TTC28: variants seen among roughly 807,000 people sequenced by gnomAD.
TTC28 encodes tetratricopeptide repeat protein 28.
Under a neutral mutation model 198.0 loss-of-function variants are expected in TTC28, and 61 were observed. The observed-to-expected ratio is 0.31, with a 90% CI of 0.25 to 0.38. TTC28 has a LOEUF of 0.38. Among genes scored for constraint, TTC28 ranks in the 10% least tolerant of loss-of-function variants. TTC28 has a pLI of 1.00. For missense variants in TTC28, 2,678 were observed against 3,164.0 expected, an observed-to-expected ratio of 0.85 and a Z score of 3.69; for synonymous variants, 1,171 against 1,297.8, an observed-to-expected ratio of 0.90 and a Z score of 2.10.
intron 2 of TTC28, among the ~76,000 whole-genome samples, chr22:28,598,409 T>C (rs936275886): frequency 1.6e-4 from 24 of 145,898 alleles, no homozygotes; most frequent in Non-Finnish European, 3.0e-4. Context: ...CTTGGGAGGC[T>C]GAGGCAGGAG....
At chr22:28,051,725 G>A (rs562413651) in intron 12 of TTC28, among the ~76,000 whole-genome samples, 34 of 152,252 alleles carry the variant, frequency 2.2e-4, no homozygotes, top group African/African-American at 7.2e-4. Context: ...AGTGGGAAAC[G>A]TCCCCTGCAT....
intron 5 of TTC28, among the ~76,000 whole-genome samples, chr22:28,284,788 AATAAG>A (rs958036764): frequency 2.6e-5 from 4 of 152,202 alleles, no homozygotes; most frequent in African/African-American, 9.6e-5. Flanking sequence ...ACAAAATCAC[AATAAG>A]ATATCACCTC....
chr22:28,588,472 C>T (rs985611964), intron 2 of TTC28, among the ~76,000 whole-genome samples: 1 of 152,110 alleles, frequency 6.6e-6, no homozygotes, highest in Non-Finnish European at 1.5e-5. Context: ...AATCAACTAT[C>T]CTCAAATTTA....
intron 2 of TTC28, among the ~76,000 whole-genome samples, chr22:28,411,426 T>C (rs549820653): frequency 6.6e-6 from 1 of 152,294 alleles, no homozygotes; most frequent in East Asian, 1.9e-4. Context: ...TAATATGTAG[T>C]CTTGGAAAAG....
intron 5 of TTC28, among the ~76,000 whole-genome samples, chr22:28,285,206 T>C (rs982399565): frequency 2.1e-4 from 32 of 152,226 alleles, no homozygotes; most frequent in Admixed American, 2.1e-3. Context: ...TGAAATATTA[T>C]TCAGCCATAA....
chr22:28,608,752 C>T (rs2050773548), intron 2 of TTC28, among the ~76,000 whole-genome samples: 1 of 152,084 alleles, frequency 6.6e-6, no homozygotes, highest in African/African-American at 2.4e-5. Flanking sequence ...AACTGTTTGG[C>T]AAAGGCTGAG....
chr22:28,264,336 G>A (rs1569228584), intron 5 of TTC28, among the ~76,000 whole-genome samples: 1 of 152,138 alleles, frequency 6.6e-6, no homozygotes, highest in Non-Finnish European at 1.5e-5. Context: ...CCCCAGCCAT[G>A]TGGAACTGTG....
In TTC28 at chr22:28,312,877, G is replaced by A. The variant is rs182917916; in HGVS notation, c.382-6234C>T. Among the ~76,000 whole-genome samples, 416 of 152,142 alleles carry A rather than the reference G, an allele frequency of 2.7e-3. 1 individual carries two copies. The highest frequency in any genetic ancestry group is 4.5e-3 in the Admixed American group (69 of 15,272). On this transcript the variant is annotated intron_variant, in intron 2 of 22. Transcript: ENST00000397906. ...AACTAAGATCAGAGCAGAACTGAAG[G>A]AGATAGAGACACAAAAAAACCTTCA... is the stretch of plus-strand genomic sequence containing the variant.
At chr22:28,110,304 T>C (rs958121896) in intron 6 of TTC28, among the ~76,000 whole-genome samples, 10 of 152,148 alleles carry the variant, frequency 6.6e-5, no homozygotes, top group Non-Finnish European at 1.0e-4. Context: ...GGGTAAATCA[T>C]TTAGGTTTTT....
chr22:28,085,966 C>T (rs937164714), intron 12 of TTC28, among the ~76,000 whole-genome samples: 2 of 152,146 alleles, frequency 1.3e-5, no homozygotes, highest in Non-Finnish European at 2.9e-5. Flanking sequence ...AGCTAACTAT[C>T]CTAAAATATA....
Position 27,981,300 on chromosome 22 carries a change from C to T in TTC28, c.*921G>A, listed in dbSNP as rs1937013520. ...AGGAAACGGAGTCATTTCAACCTTT[C>T]CTTCCAAACTTGATAATTACTTATT... is the stretch of plus-strand genomic sequence containing the variant. On this transcript the variant is annotated 3_prime_UTR_variant, in exon 23 of 23. Transcript: ENST00000397906. 1 of 113,208 alleles carries T rather than the reference C, an allele frequency of 8.8e-6. No homozygotes were observed. Among genetic ancestry groups the T allele is most frequent in the Non-Finnish European group, 1.7e-5 (1 of 60,312 alleles). 7.0% of individuals were successfully genotyped at this position (113,208 alleles called of 1,614,324 possible).
chr22:28,547,671 C>G (rs2049574051), intron 2 of TTC28, among the ~76,000 whole-genome samples: 2 of 151,934 alleles, frequency 1.3e-5, no homozygotes. Context: ...AAAATTTACT[C>G]ACTGTAATAC....
At chr22:28,328,416 G>C (rs904148051) in intron 2 of TTC28, among the ~76,000 whole-genome samples, 2 of 151,660 alleles carry the variant, frequency 1.3e-5, no homozygotes, top group African/African-American at 4.8e-5. Context: ...ACTTCAGCCT[G>C]AGTGACAGAC....
chr22:27,986,910 G>GTA, intron 21 of TTC28, among the ~76,000 whole-genome samples: 1 of 152,282 alleles, frequency 6.6e-6, no homozygotes, highest in South Asian at 2.1e-4. Context: ...ATAATGAATA[G>GTA]TATCAATGTA....
At chr22:28,142,131 G>A (rs1601376553) in intron 6 of TTC28, among the ~76,000 whole-genome samples, 1 of 152,304 alleles carries the variant, frequency 6.6e-6, no homozygotes, top group East Asian at 1.9e-4. Flanking sequence ...CCCTGGGAAG[G>A]TAAAACTTTT....
chr22:28,030,795 C>A (rs1402639777), intron 12 of TTC28, among the ~76,000 whole-genome samples: 1 of 152,222 alleles, frequency 6.6e-6, no homozygotes, highest in Non-Finnish European at 1.5e-5. Flanking sequence ...CCAGTCCATT[C>A]CAGAAACAGT....
At chr22:28,336,093 T>C (rs565011051) in intron 2 of TTC28, among the ~76,000 whole-genome samples, 1 of 152,364 alleles carries the variant, frequency 6.6e-6, no homozygotes, top group East Asian at 1.9e-4. Flanking sequence ...TCTATTGAGA[T>C]GATCATGTGG....
chr22:28,543,059 T>C (rs577326377), intron 2 of TTC28, among the ~76,000 whole-genome samples: 473 of 152,278 alleles, frequency 3.1e-3, no homozygotes, highest in Non-Finnish European at 5.1e-3. Context: ...TAGAGGCCAG[T>C]TGCAGTGGCT....
rs190272813 is a variant in TTC28, at chr22:28,433,292, T to C, written c.382-126649A>G. Among the ~76,000 whole-genome samples the C allele has an allele frequency of 1.7e-3, 265 of 152,276 alleles. 2 individuals are homozygous for C. The highest frequency in any genetic ancestry group is 6.2e-3 in the African/African-American group (258 of 41,550). The stretch of plus-strand genomic sequence containing the variant: ...TTTTTTATTCTTTTGAGATGGAGAC[T>C]TTTCTTATAAACAAACCAAACCCTA... On this transcript the variant is annotated intron_variant, in intron 2 of 22. Coordinates refer to ENST00000397906, the MANE Select transcript of TTC28 (RefSeq NM_001145418.2).
Sources: allele counts gnomAD v4.1 joint callset (sites outside exome capture counted in the v4.1 genomes callset), GRCh38; gene constraint gnomAD v4.1.1; transcripts MANE v1.5; gene names NCBI Gene and HGNC (gene_info 2026-07-23, HGNC 2026-07-21).